The following ATP7B variants were observed in gnomAD, a reference collection of about 807,000 sequenced individuals.
ATP7B encodes the protein ATPase copper transporting beta.
Under a neutral mutation model 118.9 loss-of-function variants are expected in ATP7B, and 113 were observed. The observed-to-expected ratio is 0.95, with a 90% CI of 0.82 to 1.11. The LOEUF is 1.11. Among genes scored for constraint, ATP7B ranks in the 50% most tolerant of loss-of-function variants. The pLI is 0.00. For missense variants in ATP7B, 1,867 were observed against 1,871.4 expected, an observed-to-expected ratio of 1.00 and a Z score of 0.04; for synonymous variants, 777 against 727.4, an observed-to-expected ratio of 1.07 and a Z score of -1.10.
intron 12 of ATP7B, among the ~76,000 whole-genome samples, chr13:51,948,150 T>C (rs1414910141): frequency 1.3e-5 from 2 of 152,186 alleles, no homozygotes; most frequent in South Asian, 4.1e-4. Flanking sequence ...GATGGGAAAT[T>C]TGAGGGAGAA....
chr13:51,948,754 T>A (rs1414242519), intron 12 of ATP7B, among the ~76,000 whole-genome samples: 2 of 152,164 alleles, frequency 1.3e-5, no homozygotes, highest in African/African-American at 4.8e-5. Context: ...TGGCCTGTAT[T>A]TTCCTTTCTT....
intron 20 of ATP7B, 78 bp from the exon 21 acceptor site, chr13:51,935,107 T>C: frequency 1.3e-6 from 2 of 1,539,204 alleles, no homozygotes; most frequent in Non-Finnish European, 1.8e-6. Flanking sequence ...GGTGAAGGCC[T>C]CTCATCCATC....
intron 1 of ATP7B, among the ~76,000 whole-genome samples, chr13:52,000,257 A>G (rs1458765039): frequency 1.3e-5 from 2 of 152,240 alleles, no homozygotes; most frequent in African/African-American, 2.4e-5. Flanking sequence ...CAGATCAAGG[A>G]GCCAGCAGAT....
chr13:51,935,127 C>T, intron 20 of ATP7B, 98 bp from the exon 21 acceptor site: 2 of 1,464,382 alleles, frequency 1.4e-6, no homozygotes, highest in Non-Finnish European at 9.3e-7. Context: ...CTTTTAATAA[C>T]ATTCAGTATC....
At chr13:51,985,067 A>G (rs1952591002) in intron 1 of ATP7B, among the ~76,000 whole-genome samples, 1 of 152,240 alleles carries the variant, frequency 6.6e-6, no homozygotes, top group Non-Finnish European at 1.5e-5. Flanking sequence ...ACACATAACA[A>G]TACTAACCTT....
At position 51,964,950 on chromosome 13, in the gene ATP7B, A is replaced by G; in HGVS notation, c.1791T>C (p.Val597=). ...TRTNGITYAS[V]ALATSKALVK... Reference sequence around the variant, plus strand: ...CAAGGGCTTTGCTGGTGGCAAGGGCAACGGAGGCATAAGTGATGCCATTTG... The same window carrying G: ...CAAGGGCTTTGCTGGTGGCAAGGGCGACGGAGGCATAAGTGATGCCATTTG... The change falls in exon 5 of 21, where the codon GTT becomes GTC. Residue 597 remains valine, a synonymous_variant. Coordinates refer to ENST00000242839, the MANE Select transcript of ATP7B (RefSeq NM_000053.4). 1.2e-6 allele frequency: 2 copies of G among 1,614,210 alleles called. No homozygotes were observed. Among genetic ancestry groups the G allele is most frequent in the Non-Finnish European group, 1.7e-6 (2 of 1,180,040 alleles).
chr13:51,967,576 G>C (rs1413660854), intron 4 of ATP7B, among the ~76,000 whole-genome samples: 3 of 152,184 alleles, frequency 2.0e-5, no homozygotes, highest in African/African-American at 7.2e-5. Context: ...CAGACACAGG[G>C]AGGCCCTACC....
intron 1 of ATP7B, among the ~76,000 whole-genome samples, chr13:52,001,372 T>C (rs1240420242): frequency 3.9e-5 from 6 of 152,220 alleles, no homozygotes; most frequent in African/African-American, 1.4e-4. Context: ...CTTACAATGA[T>C]GACCTGTAAG....
chr13:51,986,841 A>G (rs569616776), intron 1 of ATP7B, among the ~76,000 whole-genome samples: 4 of 152,362 alleles, frequency 2.6e-5, no homozygotes, highest in South Asian at 2.1e-4. Context: ...CAATAGACGC[A>G]GAGAAGACCT....
chr13:51,980,998 A>T (rs9316563), intron 1 of ATP7B, among the ~76,000 whole-genome samples: 62,978 of 151,994 alleles, frequency 0.41, 14,770 homozygotes, highest in East Asian at 0.53. Context: ...ATAATTAATG[A>T]TTCTGAGTGT....
Position 51,960,219 on chromosome 13 carries a change from G to C in ATP7B, c.2050C>G (p.Leu684Val), listed in dbSNP as rs1958638569. ...PSNEPHQSMV[L>V]DHNIIPGLSI... Reference sequence around the variant, plus strand: ...AGTCCTGGAATGATGTTGTGGTCCAGGACCATGGACTGGTGGGGCTCGTTG... The same window carrying C: ...AGTCCTGGAATGATGTTGTGGTCCACGACCATGGACTGGTGGGGCTCGTTG... Residue 684 changes from leucine (L) to valine (V), a missense_variant, in exon 7 of 21, where the codon CTG becomes GTG. Leu to Val is a conservative substitution (Grantham distance 32). Coordinates refer to ENST00000242839, the MANE Select transcript of ATP7B (RefSeq NM_000053.4). 6.2e-7 allele frequency: 1 copy of C among 1,613,982 alleles called. No individual in the cohort carries two copies. Among genetic ancestry groups the C allele is most frequent in the East Asian group, 2.2e-5 (1 of 44,884 alleles).
chr13:51,997,805 G>A (rs1297066047), intron 1 of ATP7B, among the ~76,000 whole-genome samples: 1 of 152,320 alleles, frequency 6.6e-6, no homozygotes, highest in South Asian at 2.1e-4. Flanking sequence ...GACAAAAAGT[G>A]GGGGCCTGAG....
At chr13:51,947,090 A>T (rs1323235651) in intron 12 of ATP7B, among the ~76,000 whole-genome samples, 1 of 152,236 alleles carries the variant, frequency 6.6e-6, no homozygotes, top group Non-Finnish European at 1.5e-5. Context: ...ATTAAACTGT[A>T]GGTGTGATGT....
At chr13:51,937,723 CA>C (rs751460101) in intron 17 of ATP7B, 44 bp from the exon 18 acceptor site, 53 of 1,600,048 alleles carry the variant, frequency 3.3e-5, no homozygotes, top group Non-Finnish European at 4.4e-5. Context: ...CAAAAGGTAT[CA>C]GATAGCAGCA....
intron 9 of ATP7B, among the ~76,000 whole-genome samples, chr13:51,957,185 A>G (rs1958403740): frequency 6.6e-6 from 1 of 152,142 alleles, no homozygotes. Context: ...TGCCTGTCTG[A>G]ATGTGTATCT....
chr13:51,978,167 CA>C (rs1215584762), intron 1 of ATP7B, among the ~76,000 whole-genome samples: 2 of 151,740 alleles, frequency 1.3e-5, no homozygotes, highest in South Asian at 2.1e-4. Context: ...ACAATAAGGA[CA>C]AAAAATTATT....
intron 1 of ATP7B, among the ~76,000 whole-genome samples, chr13:51,976,958 G>A (rs1952149101): frequency 6.6e-6 from 1 of 152,174 alleles, no homozygotes; most frequent in Admixed American, 6.5e-5. Context: ...TATAAACACT[G>A]TAAACTTAGG....
At chr13:51,984,720 T>C (rs933780161) in intron 1 of ATP7B, among the ~76,000 whole-genome samples, 3 of 152,222 alleles carry the variant, frequency 2.0e-5, no homozygotes, top group Non-Finnish European at 2.9e-5. Context: ...CAGATCTCTC[T>C]GCAGAAACCC....
At chr13:51,967,843 A>T (rs901397131) in intron 4 of ATP7B, among the ~76,000 whole-genome samples, 1 of 152,236 alleles carries the variant, frequency 6.6e-6, no homozygotes, top group Non-Finnish European at 1.5e-5. Flanking sequence ...TGTTCTAGGC[A>T]TCAGACACAT....
Sources: allele counts gnomAD v4.1 joint callset (sites outside exome capture counted in the v4.1 genomes callset), GRCh38; gene constraint gnomAD v4.1.1; transcripts MANE v1.5; gene names NCBI Gene and HGNC (gene_info 2026-07-23, HGNC 2026-07-21).